The following PDZD9 variants were observed in gnomAD, a reference collection of about 807,000 sequenced individuals.
The protein encoded by PDZD9 is PDZ domain containing 9, also known as PDZ domain-containing protein 9.
In PDZD9, 13 loss-of-function variants were observed where a neutral mutation model predicts 16.3. The ratio of observed to expected loss-of-function variants is 0.80; its 90% CI spans 0.52 to 1.27. The LOEUF (loss-of-function observed/expected upper bound fraction) is 1.27, where lower values mean the gene tolerates loss of function less well. Among genes scored for constraint, PDZD9 ranks in the 50% most tolerant of loss-of-function variants. PDZD9 has a pLI of 0.00. For synonymous variants in PDZD9, 120 were observed against 111.0 expected (o/e 1.08, Z -0.51); for missense variants, 288 against 310.9 (o/e 0.93, Z 0.55).
chr16:21,973,594 T>G, the PDZD9 span, among the ~76,000 whole-genome samples: 2 of 152,200 alleles, frequency 1.3e-5, no homozygotes, highest in Admixed American at 6.5e-5. Flanking sequence ...ATAATAATAA[T>G]GTTTGCAGAT....
chr16:21,972,915 C>T, the PDZD9 span, among the ~76,000 whole-genome samples: 21 of 152,140 alleles, frequency 1.4e-4, no homozygotes, highest in Middle Eastern at 3.2e-3. Flanking sequence ...TCCTGGCTAA[C>T]ACAGTGAAAC....
At chr16:21,987,908 G>A (rs1385252854) in intron 3 of PDZD9, among the ~76,000 whole-genome samples, 1 of 151,688 alleles carries the variant, frequency 6.6e-6, no homozygotes, top group Non-Finnish European at 1.5e-5. Context: ...GATTTGCCAA[G>A]ATGGGAGAAG....
the PDZD9 span, among the ~76,000 whole-genome samples, chr16:21,970,057 G>A: frequency 2.0e-5 from 3 of 152,020 alleles, no homozygotes; most frequent in Admixed American, 6.6e-5. Flanking sequence ...TATAAATGGA[G>A]TCATACGATA....
At chr16:21,997,685 C>T (rs1469600556) in intron 1 of PDZD9, among the ~76,000 whole-genome samples, 14 of 152,132 alleles carry the variant, frequency 9.2e-5, no homozygotes, top group Non-Finnish European at 1.2e-4. Context: ...TTCTACAGAA[C>T]CAAATCTCAC....
At chr16:21,981,590 C>CA (rs1385075161), downstream of PDZD9, among the ~76,000 whole-genome samples, 1 of 151,804 alleles carries the variant, frequency 6.6e-6, no homozygotes, top group Non-Finnish European at 1.5e-5. Context: ...CCCATCTCTA[C>CA]AAAAAAGTAC....
the PDZD9 span, among the ~76,000 whole-genome samples, chr16:21,972,550 T>C: frequency 6.6e-6 from 1 of 152,172 alleles, no homozygotes; most frequent in Non-Finnish European, 1.5e-5. Context: ...GTTTACAGAC[T>C]CACTCATTCA....
At chr16:21,997,659 G>T (rs1372535042) in intron 1 of PDZD9, among the ~76,000 whole-genome samples, 1 of 152,220 alleles carries the variant, frequency 6.6e-6, no homozygotes, top group East Asian at 1.9e-4. Context: ...GGTAGTGGGA[G>T]AGGTTGAAAT....
Position 21,984,566 on chromosome 16 carries a change from T to TA in PDZD9, c.495dup (p.Arg166Ter). The stretch of plus-strand genomic sequence containing the variant: ...TGATGCACAGTTGACCACGGATATC[T>TA]ATAATATTGAAGTCTTTTATCTAAA... On this transcript the variant is annotated frameshift_variant, in exon 4 of 4. Transcript: ENST00000424898. LOFTEE classifies it low-confidence loss of function (END_TRUNC). 6.3e-7 allele frequency: 1 copy of TA among 1,581,750 alleles called. No homozygotes were observed. The highest frequency in any genetic ancestry group is 8.6e-7 in the Non-Finnish European group (1 of 1,158,088).
chr16:21,966,610 C>G, the PDZD9 span, among the ~76,000 whole-genome samples: 1 of 152,298 alleles, frequency 6.6e-6, no homozygotes, highest in East Asian at 1.9e-4. Flanking sequence ...ATCCCTTGCT[C>G]TTTTTGACTT....
chr16:21,965,672 T>C, the PDZD9 span: 1 of 533,006 alleles, frequency 1.9e-6, no homozygotes. Context: ...ATCTGAACAA[T>C]TTTTGTGTCT....
the PDZD9 span, among the ~76,000 whole-genome samples, chr16:21,963,717 C>T: frequency 6.6e-6 from 1 of 152,136 alleles, no homozygotes; most frequent in Admixed American, 6.5e-5. Context: ...GATCCTCCCA[C>T]CTCAGCTTCC....
At chr16:21,981,756 C>G (rs559074663), downstream of PDZD9, among the ~76,000 whole-genome samples, 6 of 152,082 alleles carry the variant, frequency 3.9e-5, no homozygotes, top group South Asian at 1.2e-3. Flanking sequence ...GAGTGAGACC[C>G]TGTCTCAAAT....
downstream of PDZD9, among the ~76,000 whole-genome samples, chr16:21,981,638 C>G (rs1898731619): frequency 6.6e-6 from 1 of 151,678 alleles, no homozygotes; most frequent in African/African-American, 2.4e-5. Context: ...GCCTGTAGTC[C>G]CAGCTACTCA....
chr16:21,980,437 T>C, downstream of PDZD9: 1 of 1,152,304 alleles, frequency 8.7e-7, no homozygotes, highest in South Asian at 1.5e-5. Flanking sequence ...GACACGCTGT[T>C]ACTCTATCCA....
intron 2 of PDZD9, among the ~76,000 whole-genome samples, chr16:21,990,665 C>CAA (rs1899000561): frequency 6.6e-6 from 1 of 152,128 alleles, no homozygotes; most frequent in Non-Finnish European, 1.5e-5. Flanking sequence ...CAAAACAAAA[C>CAA]AAAAACAAAA....
chr16:21,960,589 TC>T, the PDZD9 span, among the ~76,000 whole-genome samples: 2 of 152,236 alleles, frequency 1.3e-5, no homozygotes, highest in South Asian at 4.1e-4. Flanking sequence ...TTGACCTGTA[TC>T]CGTTTTTAAC....
downstream of PDZD9, chr16:21,983,093 A>C (rs776514170): frequency 2.5e-6 from 4 of 1,613,338 alleles, no homozygotes; most frequent in African/African-American, 2.7e-5. Context: ...TAAAGGCGGC[A>C]AAGAAGTTTG....
At chr16:21,970,152 T>G in the PDZD9 span, among the ~76,000 whole-genome samples, 1 of 152,354 alleles carries the variant, frequency 6.6e-6, no homozygotes, top group African/African-American at 2.4e-5. Flanking sequence ...ATTCAATGTC[T>G]TATTCCCTTT....
At position 21,988,861 on chromosome 16, in the gene PDZD9, AT is replaced by A. The variant is rs1898952545; in HGVS notation, c.212-71del. ...AGGGACTATATTGATTTCTGGCTTT[AT>A]TGTGAGGTATTTCATTTTATGGGTT... On this transcript the variant is annotated intron_variant, in intron 2 of 3. Transcript: ENST00000424898. 24 of 1,197,578 alleles carry A rather than the reference AT, an allele frequency of 2.0e-5. 1 individual carries two copies. The South Asian group carries it at 3.6e-4, about 18-fold the overall frequency. 74.2% of individuals were successfully genotyped at this position (1,197,578 alleles called of 1,614,324 possible). A position where few individuals can be genotyped will look rare whatever the true frequency, so the allele number is the denominator to read the frequency against.
Sources: allele counts gnomAD v4.1 joint callset (sites outside exome capture counted in the v4.1 genomes callset), GRCh38; gene constraint gnomAD v4.1.1; transcripts MANE v1.5; gene names NCBI Gene and HGNC (gene_info 2026-07-23, HGNC 2026-07-21).